Variants in WWOX observed in about 807,000 individuals in gnomAD.
WWOX encodes the protein WW domain-containing oxidoreductase.
WWOX carries 69 observed loss-of-function variants against 46.2 expected under a neutral mutation model. That is an observed-to-expected ratio of 1.49 (90% CI 1.23 to 1.82). The LOEUF is 1.82. Ranked by LOEUF, WWOX falls within the 40% of genes most tolerant of loss-of-function variation. The pLI is 0.00. For missense variants in WWOX, 919 were observed against 542.6 expected, an observed-to-expected ratio of 1.69 and a Z score of -6.89; for synonymous variants, 359 against 202.6, an observed-to-expected ratio of 1.77 and a Z score of -6.56.
chr16:78,943,207 C>T (rs1421216387), intron 8 of WWOX, among the ~76,000 whole-genome samples: 1 of 152,138 alleles, frequency 6.6e-6, no homozygotes, highest in Admixed American at 6.5e-5. Flanking sequence ...TTGCACTTTA[C>T]AAATAACCTC....
At chr16:78,687,608 T>C (rs1250106705) in intron 8 of WWOX, among the ~76,000 whole-genome samples, 2 of 152,196 alleles carry the variant, frequency 1.3e-5, no homozygotes, top group African/African-American at 4.8e-5. Context: ...ATAAACATAT[T>C]TTCTAAGAGT....
rs148180099 is a variant in WWOX at position 78,674,794 on chromosome 16, T to C, written c.1056+242042T>C. 2.2e-3 allele frequency among the ~76,000 whole-genome samples: 336 copies of C among 152,012 alleles called. 1 individual carries two copies. Among genetic ancestry groups the C allele is most frequent in the African/African-American group, 7.7e-3 (320 of 41,492 alleles). On this transcript the variant is annotated intron_variant, in intron 8 of 8. Coordinates refer to ENST00000566780, the MANE Select transcript of WWOX (RefSeq NM_016373.4). ...AGGACATGTACTCTTCCCATATATT[T>C]TTAAACAATTACTGTATCTGATTTT...
At chr16:78,141,711 T>G (rs1285699840) in intron 4 of WWOX, among the ~76,000 whole-genome samples, 8 of 152,170 alleles carry the variant, frequency 5.3e-5, no homozygotes, top group Admixed American at 5.2e-4. Flanking sequence ...GGATTAGGAA[T>G]AAAAATATGC....
intron 5 of WWOX, among the ~76,000 whole-genome samples, chr16:78,351,948 C>T (rs1035199426): frequency 1.3e-5 from 2 of 152,172 alleles, no homozygotes; most frequent in African/African-American, 4.8e-5. Context: ...TGAGCCACCA[C>T]GCCCAGCAGT....
intron 8 of WWOX, among the ~76,000 whole-genome samples, chr16:79,005,518 C>T (rs1018561896): frequency 1.3e-5 from 2 of 152,190 alleles, no homozygotes; most frequent in African/African-American, 4.8e-5. Context: ...TCTGAAAACT[C>T]TATGGGGGCG....
At chr16:78,831,759 A>G (rs1425331357) in intron 8 of WWOX, among the ~76,000 whole-genome samples, 1 of 152,208 alleles carries the variant, frequency 6.6e-6, no homozygotes, top group African/African-American at 2.4e-5. Context: ...AGTGAAAATA[A>G]TGATTATAAC....
chr16:79,118,993 T>C (rs1473309009), intron 8 of WWOX, among the ~76,000 whole-genome samples: 4 of 152,252 alleles, frequency 2.6e-5, no homozygotes, highest in African/African-American at 4.8e-5. Context: ...TCTCTGTGCA[T>C]AAAGCAGTTT....
At chr16:78,609,070 G>C (rs1223364409) in intron 8 of WWOX, among the ~76,000 whole-genome samples, 1 of 152,108 alleles carries the variant, frequency 6.6e-6, no homozygotes, top group African/African-American at 2.4e-5. Flanking sequence ...TTATTAAACA[G>C]TATGTCAAAT....
intron 5 of WWOX, among the ~76,000 whole-genome samples, chr16:78,213,540 G>T (rs1019895482): frequency 6.6e-6 from 1 of 151,776 alleles, no homozygotes. Flanking sequence ...AATGCGAATG[G>T]CATCTATTTT....
At chr16:78,745,621 A>G (rs2049330770) in intron 8 of WWOX, among the ~76,000 whole-genome samples, 1 of 150,292 alleles carries the variant, frequency 6.7e-6, no homozygotes, top group Non-Finnish European at 1.5e-5. Flanking sequence ...TATGGTAAAC[A>G]TAAAACGTTC....
chr16:78,595,558 C>G lies in WWOX; in HGVS notation c.1056+162806C>G, dbSNP rs544346555. Among the ~76,000 whole-genome samples, 9 of 152,356 alleles carry G rather than the reference C, an allele frequency of 5.9e-5. No homozygotes were observed. The East Asian group carries it at 1.7e-3, about 29-fold the overall frequency. ...GAGGTCCTCAATCTCTCCCTCCCCA[C>G]CACAGTTAGCTATCAGAGATATACG... is the stretch of plus-strand genomic sequence containing the variant. On this transcript the variant is annotated intron_variant, in intron 8 of 8. Coordinates refer to ENST00000566780, the MANE Select transcript of WWOX (RefSeq NM_016373.4).
chr16:79,148,968 C>T (rs1218570433), intron 8 of WWOX, among the ~76,000 whole-genome samples: 1 of 152,048 alleles, frequency 6.6e-6, no homozygotes, highest in Non-Finnish European at 1.5e-5. Flanking sequence ...TCTATCTAGC[C>T]TGTCATGTCA....
intron 8 of WWOX, among the ~76,000 whole-genome samples, chr16:78,631,551 T>C (rs1166393143): frequency 2.6e-5 from 4 of 151,754 alleles, no homozygotes; most frequent in Admixed American, 2.0e-4. Context: ...TTTTTTTTTT[T>C]TTTTTGAGAC....
At chr16:78,147,662 T>C (rs957396954) in intron 4 of WWOX, among the ~76,000 whole-genome samples, 1 of 138,788 alleles carries the variant, frequency 7.2e-6, no homozygotes, top group African/African-American at 2.7e-5. Context: ...TGAATTTTTC[T>C]TTTTCTTTCT....
intron 6 of WWOX, among the ~76,000 whole-genome samples, chr16:78,393,398 C>T (rs1012292330): frequency 6.6e-6 from 1 of 152,126 alleles, no homozygotes; most frequent in African/African-American, 2.4e-5. Context: ...TGGTTCATGC[C>T]TATAATCCCA....
At chr16:79,151,122 T>G (rs1314550837) in intron 8 of WWOX, among the ~76,000 whole-genome samples, 1 of 134,136 alleles carries the variant, frequency 7.5e-6, no homozygotes, top group African/African-American at 3.0e-5. Flanking sequence ...AACACAAATT[T>G]GACTCATTTC....
chr16:78,481,728 T>A lies in WWOX; in HGVS notation c.1056+48976T>A, dbSNP rs2084493118. Among the ~76,000 whole-genome samples, 6 of 128,574 alleles carry A rather than the reference T, an allele frequency of 4.7e-5. No individual in the cohort carries two copies. In the South Asian group the frequency reaches 1.0e-3, roughly 22 times the overall value. The allele number at this position is 128,574 out of a possible 152,430, so 84.3% of individuals were successfully genotyped here. A position where few individuals can be genotyped will look rare whatever the true frequency, so the allele number is the denominator to read the frequency against. On this transcript the variant is annotated intron_variant, in intron 8 of 8. Transcript: ENST00000566780. ...ACTTTTGCTCAGGGCAAGGGAAGTGTGTGTGTGTGTGTGTGTGTGTGTGTG... is the reference window on the plus strand; with the variant it reads ...ACTTTTGCTCAGGGCAAGGGAAGTGAGTGTGTGTGTGTGTGTGTGTGTGTG...
chr16:78,879,869 C>G (rs1384573145), intron 8 of WWOX, among the ~76,000 whole-genome samples: 2 of 101,270 alleles, frequency 2.0e-5, no homozygotes, highest in South Asian at 3.2e-4. Context: ...AACAGCAAAA[C>G]TCTGTCTCAA....
At chr16:78,529,702 C>T (rs1035986799) in intron 8 of WWOX, among the ~76,000 whole-genome samples, 3 of 151,796 alleles carry the variant, frequency 2.0e-5, no homozygotes, top group Non-Finnish European at 2.9e-5. Context: ...CTCCTGACCT[C>T]GTGATCCACC....
Sources: gnomAD v4.1 joint callset for allele counts (sites outside exome capture counted in the v4.1 genomes callset) on GRCh38, gnomAD v4.1.1 for gene constraint, MANE v1.5 for transcripts, NCBI Gene and HGNC (gene_info 2026-07-23, HGNC 2026-07-21) for gene names.